AIG1: variants seen among roughly 807,000 people sequenced by gnomAD.
The protein encoded by AIG1 is androgen-induced gene 1 protein.
In AIG1, 23 loss-of-function variants were observed where a neutral mutation model predicts 31.4. The observed-to-expected ratio is 0.73, with a 90% CI of 0.53 to 1.04. The LOEUF is 1.04. Ranked by LOEUF, AIG1 falls within the 50% of genes least tolerant of loss-of-function variation. AIG1 has a pLI of 0.00. For synonymous variants in AIG1, 100 were observed against 110.5 expected (o/e 0.90, Z 0.60); for missense variants, 274 against 295.0 (o/e 0.93, Z 0.52).
At chr6:143,080,265 A>G (rs551712895) in intron 1 of AIG1, among the ~76,000 whole-genome samples, 2 of 152,206 alleles carry the variant, frequency 1.3e-5, no homozygotes, top group South Asian at 4.1e-4. Context: ...CTTCAATGTC[A>G]TCAACATTGG....
chr6:143,316,300 A>G (rs1775733666), intron 4 of AIG1, among the ~76,000 whole-genome samples: 1 of 152,100 alleles, frequency 6.6e-6, no homozygotes, highest in Non-Finnish European at 1.5e-5. Flanking sequence ...GCACAGTACC[A>G]AGAAAGATCC....
At chr6:143,324,533 A>C (rs936460962) in intron 4 of AIG1, among the ~76,000 whole-genome samples, 1 of 152,218 alleles carries the variant, frequency 6.6e-6, no homozygotes, top group Non-Finnish European at 1.5e-5. Flanking sequence ...GCAGTACAGG[A>C]GCTTGGCATC....
At chr6:143,066,681 A>G (rs1776741629) in intron 1 of AIG1, among the ~76,000 whole-genome samples, 1 of 152,248 alleles carries the variant, frequency 6.6e-6, no homozygotes, top group African/African-American at 2.4e-5. Context: ...TGTTTCAGAT[A>G]CGAGAGATGG....
In AIG1 at chr6:143,119,163, G is replaced by A. The variant is rs148203889; in HGVS notation, c.142-17672G>A. Reference sequence around the variant, plus strand: ...AGCAAAAGAATTTTCAAAGTACATAGCGTGCTTATCACCTGCTGACAAATT... The same window carrying A: ...AGCAAAAGAATTTTCAAAGTACATAACGTGCTTATCACCTGCTGACAAATT... On this transcript the variant is annotated intron_variant, in intron 1 of 5. Coordinates refer to ENST00000357847, the MANE Select transcript of AIG1 (RefSeq NM_016108.4). 5.8e-3 allele frequency among the ~76,000 whole-genome samples: 876 copies of A among 152,222 alleles called. 10 individuals are homozygous for A. The highest frequency in any genetic ancestry group is 0.02 in the African/African-American group (815 of 41,534).
At position 143,334,145 on chromosome 6, in the gene AIG1, A is replaced by G; in HGVS notation, c.679+700A>G. ...CAAAACCTGTCCAAAGTGTATGTAC[A>G]ATAACATAAAAATTGAAAGGTGGAA... is the stretch of plus-strand genomic sequence containing the variant. On this transcript the variant is annotated intron_variant, in intron 5 of 5. Coordinates refer to ENST00000357847, the MANE Select transcript of AIG1 (RefSeq NM_016108.4). The surrounding 1 kb of genome is among the most constrained non-coding windows in gnomAD (Gnocchi z 5.1). 2 of 1,528,856 alleles carry G rather than the reference A, an allele frequency of 1.3e-6. No individual in the cohort carries two copies. The highest frequency in any genetic ancestry group is 1.8e-6 in the Non-Finnish European group (2 of 1,133,452). The allele number at this position is 1,528,856 out of a possible 1,614,324, so 94.7% of individuals were successfully genotyped here.
intron 1 of AIG1, among the ~76,000 whole-genome samples, chr6:143,072,634 T>A (rs1255213786): frequency 1.3e-5 from 2 of 152,302 alleles, no homozygotes; most frequent in East Asian, 3.9e-4. Context: ...TTCTTTCTAT[T>A]CCAAGTTTGC....
Position 143,337,497 on chromosome 6 carries a change from G to C in AIG1, c.680-2142G>C, listed in dbSNP as rs73000105. Among the ~76,000 whole-genome samples the C allele has an allele frequency of 2.2e-4, 34 of 152,092 alleles. No homozygotes were observed. In the South Asian group the frequency reaches 3.1e-3, roughly 14 times the overall value. ...AGCAGTTTGGCGGGGTGGAGCGCGG[G>C]GGGGGACACAATTCACAGCTGAAAT... On this transcript the variant is annotated intron_variant, in intron 5 of 5. Transcript: ENST00000357847.
chr6:143,275,613 T>C (rs1796836625), intron 3 of AIG1, among the ~76,000 whole-genome samples: 1 of 152,128 alleles, frequency 6.6e-6, no homozygotes, highest in African/African-American at 2.4e-5. Context: ...TCCTTGGCCA[T>C]GTGAATGAAT....
intron 4 of AIG1, among the ~76,000 whole-genome samples, chr6:143,290,178 T>C (rs1434692806): frequency 6.6e-6 from 1 of 152,192 alleles, no homozygotes; most frequent in Non-Finnish European, 1.5e-5. Flanking sequence ...CCAAGGGGCA[T>C]AAGGCAGAGT....
At chr6:143,257,092 G>A (rs1448473617) in intron 3 of AIG1, among the ~76,000 whole-genome samples, 1 of 152,178 alleles carries the variant, frequency 6.6e-6, no homozygotes, top group Non-Finnish European at 1.5e-5. Flanking sequence ...ATTTCTGAAG[G>A]AATCACGTCA....
At chr6:143,181,961 A>G (rs1246289309) in intron 3 of AIG1, among the ~76,000 whole-genome samples, 2 of 152,088 alleles carry the variant, frequency 1.3e-5, no homozygotes, top group African/African-American at 2.4e-5. Context: ...CTCCATGGCT[A>G]CTTAAGGTTT....
intron 3 of AIG1, among the ~76,000 whole-genome samples, chr6:143,169,612 C>T (rs1055844225): frequency 2.0e-5 from 3 of 152,052 alleles, no homozygotes; most frequent in Non-Finnish European, 2.9e-5. Flanking sequence ...CCTGGCTACC[C>T]TTCCCAACCT....
chr6:143,196,819 C>T (rs1451587062), intron 3 of AIG1, among the ~76,000 whole-genome samples: 1 of 151,940 alleles, frequency 6.6e-6, no homozygotes, highest in East Asian at 1.9e-4. Context: ...CATAATTTCT[C>T]TGATCTTACT....
intron 3 of AIG1, among the ~76,000 whole-genome samples, chr6:143,267,373 C>T (rs1195423058): frequency 6.6e-6 from 1 of 152,206 alleles, no homozygotes; most frequent in South Asian, 2.1e-4. Context: ...TTGATTTTTA[C>T]TTTTAGTGTG....
intron 3 of AIG1, among the ~76,000 whole-genome samples, chr6:143,180,413 G>A (rs1788613997): frequency 6.6e-6 from 1 of 152,200 alleles, no homozygotes; most frequent in Non-Finnish European, 1.5e-5. Context: ...ACAAGGAGAA[G>A]CACTGTCGTT....
At chr6:143,306,412 G>T (rs1317676827) in intron 4 of AIG1, among the ~76,000 whole-genome samples, 1 of 151,896 alleles carries the variant, frequency 6.6e-6, no homozygotes, top group Admixed American at 6.6e-5. Context: ...CTCTTTTAGG[G>T]CAGGCCTGGT....
rs1192548357 is a variant in AIG1, at chr6:143,288,637, C to T, written c.515+4412C>T. Among the ~76,000 whole-genome samples, 1 of 152,102 alleles carries T rather than the reference C, an allele frequency of 6.6e-6. No individual in the cohort carries two copies. The highest frequency in any genetic ancestry group is 2.4e-5 in the African/African-American group (1 of 41,392). Reference sequence around the variant, plus strand: ...CACAGAAAATAAAACAAAGTCAAGTCAGAAGTGTTAATGGAAAAAGCAAAC... The same window carrying T: ...CACAGAAAATAAAACAAAGTCAAGTTAGAAGTGTTAATGGAAAAAGCAAAC... On this transcript the variant is annotated intron_variant, in intron 4 of 5. Transcript: ENST00000357847. The surrounding 1 kb of genome is among the most constrained non-coding windows in gnomAD (Gnocchi z 4.4).
At chr6:143,065,523 G>A (rs530176893) in intron 1 of AIG1, among the ~76,000 whole-genome samples, 1 of 152,200 alleles carries the variant, frequency 6.6e-6, no homozygotes, top group South Asian at 2.1e-4. Context: ...CATGATAATT[G>A]CCCCAAAAGA....
intron 3 of AIG1, chr6:143,188,260 A>T: frequency 2.0e-6 from 2 of 987,126 alleles, no homozygotes; most frequent in South Asian, 9.3e-5. Flanking sequence ...ACACTCATAG[A>T]GTAAACTGTT....
Sources: allele counts gnomAD v4.1 joint callset (sites outside exome capture counted in the v4.1 genomes callset), GRCh38; gene constraint gnomAD v4.1.1; non-coding constraint Gnocchi (gnomAD v3.1); transcripts MANE v1.5; gene names NCBI Gene and HGNC (gene_info 2026-07-23, HGNC 2026-07-21).